The following CAGE1 variants were observed in gnomAD, a reference collection of about 807,000 sequenced individuals.
CAGE1 encodes the protein cancer-associated gene 1 protein.
In CAGE1, 66 loss-of-function variants were observed where a neutral mutation model predicts 94.9. That is an observed-to-expected ratio of 0.70 (90% CI 0.57 to 0.85). The LOEUF is 0.85. Among genes scored for constraint, CAGE1 ranks in the 40% least tolerant of loss-of-function variants. CAGE1 has a pLI of 0.00. For synonymous variants in CAGE1, 319 were observed against 321.0 expected (o/e 0.99, Z 0.07); for missense variants, 865 against 950.4 (o/e 0.91, Z 1.18).
intron 7 of CAGE1, among the ~76,000 whole-genome samples, chr6:7,367,058 A>G (rs1760368503): frequency 1.3e-5 from 2 of 152,164 alleles, no homozygotes; most frequent in South Asian, 4.1e-4. Flanking sequence ...TCCAATATTT[A>G]AAATAGAAAA....
chr6:7,339,425 G>A lies in CAGE1; in HGVS notation c.2370-5335C>T. The stretch of plus-strand genomic sequence containing the variant: ...TCTGTGTTCTGGTGGCTAAGACAAT[G>A]ATTTCTGTCCTGGTTGGTGTAACTC... On this transcript the variant is annotated intron_variant, in intron 11 of 13. Transcript: ENST00000502583. The surrounding 1 kb of genome is among the most constrained non-coding windows in gnomAD (Gnocchi z 4.7). 1.4e-6 allele frequency: 2 copies of A among 1,476,632 alleles called. No individual in the cohort carries two copies. Among genetic ancestry groups the A allele is most frequent in the Admixed American group, 3.3e-5 (2 of 59,848 alleles). The allele number at this position is 1,476,632 out of a possible 1,614,324, so 91.5% of individuals were successfully genotyped here.
intron 7 of CAGE1, 89 bp downstream of exon 7, chr6:7,368,599 T>C (rs1416829693): frequency 1.5e-6 from 1 of 651,362 alleles, no homozygotes; most frequent in African/African-American, 1.9e-5. Context: ...TTAAAATGAT[T>C]CCAACTTTAA....
rs551471578 is a variant in CAGE1, at chr6:7,355,265, G to A, written c.2299-154C>T. On this transcript the variant is annotated intron_variant, in intron 10 of 13. Coordinates refer to ENST00000502583, the MANE Select transcript of CAGE1 (RefSeq NM_001170692.2). ...CCTTACATTTTGAAATCAGGAACATGAAAGAAAAGAATGATAACACGCCCA... is the reference window on the plus strand; with the variant it reads ...CCTTACATTTTGAAATCAGGAACATAAAAGAAAAGAATGATAACACGCCCA... 3.3e-5 allele frequency among the ~76,000 whole-genome samples: 5 copies of A among 152,254 alleles called. No homozygotes were observed. The South Asian group carries it at 1.0e-3, about 32-fold the overall frequency.
rs1032145203 is a variant in CAGE1, at chr6:7,337,149, C to T, written c.2370-3059G>A. Among the ~76,000 whole-genome samples the T allele has an allele frequency of 1.3e-4, 19 of 151,800 alleles. No homozygotes were observed. The East Asian group carries it at 2.3e-3, about 19-fold the overall frequency. ...CAGCCTGGCCAACATGGTGAAACCC[C>T]GTCTCTACTAAAAATACAACCAAAA... On this transcript the variant is annotated intron_variant, in intron 11 of 13. Transcript: ENST00000502583.
chr6:7,341,483 T>C (rs189791365), intron 11 of CAGE1: 363 of 1,151,048 alleles, frequency 3.2e-4, no homozygotes, highest in Admixed American at 7.4e-4. Flanking sequence ...TTCCAGGTAT[T>C]CCATCGCGAG....
intron 11 of CAGE1, among the ~76,000 whole-genome samples, chr6:7,345,735 G>A (rs532328335): frequency 6.6e-6 from 1 of 151,928 alleles, no homozygotes; most frequent in East Asian, 1.9e-4. Flanking sequence ...AGACCATCCT[G>A]GCTGACTAAA....
chr6:7,338,863 G>A lies in CAGE1; in HGVS notation c.2370-4773C>T, dbSNP rs963822529. 4.6e-5 allele frequency: 67 copies of A among 1,464,088 alleles called. 2 individuals are homozygous for A. Among genetic ancestry groups the A allele is most frequent in the Middle Eastern group, 4.8e-4 (2 of 4,184 alleles). 90.7% of individuals were successfully genotyped at this position (1,464,088 alleles called of 1,614,324 possible). A position where few individuals can be genotyped will look rare whatever the true frequency, so the allele number is the denominator to read the frequency against. On this transcript the variant is annotated intron_variant, in intron 11 of 13. Transcript: ENST00000502583. Reference sequence around the variant, plus strand: ...GTTATGCTGTGGTGACTGAGGGCACGGCAGGAGGCTCTGGCTTCCCACCCT... The same window carrying A: ...GTTATGCTGTGGTGACTGAGGGCACAGCAGGAGGCTCTGGCTTCCCACCCT...
At chr6:7,346,419 C>T (rs1224154087) in intron 11 of CAGE1, among the ~76,000 whole-genome samples, 1 of 151,700 alleles carries the variant, frequency 6.6e-6, no homozygotes, top group Non-Finnish European at 1.5e-5. Context: ...CATGGTGGTG[C>T]ATGCCTGTAG....
chr6:7,387,237 A>C, intron 1 of CAGE1, 41 bp from the exon 2 acceptor site: 1 of 1,203,558 alleles, frequency 8.3e-7, no homozygotes, highest in Non-Finnish European at 1.2e-6. Flanking sequence ...TATAAACAAA[A>C]AGTTTTTTCC....
At chr6:7,381,226 A>C (rs1760922126) in intron 3 of CAGE1, among the ~76,000 whole-genome samples, 1 of 152,224 alleles carries the variant, frequency 6.6e-6, no homozygotes, top group Non-Finnish European at 1.5e-5. Context: ...AATTGAGCTT[A>C]AAAGAGGTCA....
chr6:7,339,461 T>G lies in CAGE1; in HGVS notation c.2370-5371A>C. The G allele has an allele frequency of 1.9e-6, 2 of 1,077,318 alleles. No individual in the cohort carries two copies. The highest frequency in any genetic ancestry group is 1.7e-5 in the Admixed American group (1 of 59,354). 66.7% of individuals were successfully genotyped at this position (1,077,318 alleles called of 1,614,324 possible). On this transcript the variant is annotated intron_variant, in intron 11 of 13. Coordinates refer to ENST00000502583, the MANE Select transcript of CAGE1 (RefSeq NM_001170692.2). This position sits in a 1 kb window ranked among gnomAD's most constrained non-coding sequence, Gnocchi z 4.7. ...TGGTTGGTGTAACTCGCATCTCAAC[T>G]CCAGAGTAGCCATCTTCAGCCAGCT...
intron 9 of CAGE1, among the ~76,000 whole-genome samples, chr6:7,357,070 T>C (rs1759982947): frequency 6.6e-6 from 1 of 152,174 alleles, no homozygotes; most frequent in Non-Finnish European, 1.5e-5. Context: ...AGTGCTGAGA[T>C]TACAGGTGTG....
chr6:7,341,109 G>T (rs1759157230), intron 11 of CAGE1: 1 of 547,952 alleles, frequency 1.8e-6, no homozygotes, highest in Middle Eastern at 3.2e-4. Context: ...CCTTTAGCTT[G>T]GCAGTGATGT....
intron 11 of CAGE1, among the ~76,000 whole-genome samples, chr6:7,348,722 A>G (rs1282223926): frequency 6.6e-6 from 1 of 152,198 alleles, no homozygotes; most frequent in African/African-American, 2.4e-5. Flanking sequence ...TAAAGAAAAA[A>G]AAACTTCAGG....
intron 5 of CAGE1, among the ~76,000 whole-genome samples, chr6:7,372,196 G>A (rs1760558573): frequency 6.6e-6 from 1 of 152,136 alleles, no homozygotes; most frequent in Non-Finnish European, 1.5e-5. Context: ...CTGGGGTTGG[G>A]CGCAGTGTCT....
chr6:7,388,768 T>C (rs901698680), intron 1 of CAGE1, among the ~76,000 whole-genome samples: 4 of 152,240 alleles, frequency 2.6e-5, no homozygotes, highest in African/African-American at 9.6e-5. Flanking sequence ...CCAGTCAGGA[T>C]CAGTGAAAGG....
intron 9 of CAGE1, among the ~76,000 whole-genome samples, chr6:7,359,972 G>A (rs1760113904): frequency 6.6e-6 from 1 of 152,102 alleles, no homozygotes; most frequent in Non-Finnish European, 1.5e-5. Flanking sequence ...GTGTCAACAG[G>A]GCTGCGCTCC....
At chr6:7,386,788 T>C (rs1183028955) in intron 2 of CAGE1, among the ~76,000 whole-genome samples, 191 bp downstream of exon 2, 1 of 152,202 alleles carries the variant, frequency 6.6e-6, no homozygotes, top group Non-Finnish European at 1.5e-5. Context: ...GGTCTCACCA[T>C]GTTGCCCAGG....
At chr6:7,328,723 T>C (rs1164320484) in intron 13 of CAGE1, among the ~76,000 whole-genome samples, 6 of 151,924 alleles carry the variant, frequency 3.9e-5, no homozygotes, top group East Asian at 3.9e-4. Flanking sequence ...CCATAATTTA[T>C]TGGATATTTT....
Sources: allele counts gnomAD v4.1 joint callset (sites outside exome capture counted in the v4.1 genomes callset), GRCh38; gene constraint gnomAD v4.1.1; non-coding constraint Gnocchi (gnomAD v3.1); transcripts MANE v1.5; gene names NCBI Gene and HGNC (gene_info 2026-07-23, HGNC 2026-07-21).